Variants in MEGF11 observed in about 807,000 individuals in gnomAD.
MEGF11 encodes the protein multiple epidermal growth factor-like domains protein 11.
MEGF11 carries 126 observed loss-of-function variants against 146.6 expected under a neutral mutation model. That is an observed-to-expected ratio of 0.86 (90% CI 0.74 to 1.00). MEGF11 has a LOEUF of 1.00. MEGF11 is among the 50% of genes least tolerant of loss of function. The probability of loss-of-function intolerance (pLI) is 0.00; values close to 1 mark genes in which losing one functional copy is unlikely to be tolerated. For synonymous variants in MEGF11, 532 were observed against 583.4 expected (o/e 0.91, Z 1.27); for missense variants, 1,509 against 1,521.2 (o/e 0.99, Z 0.13).
In MEGF11 at chr15:66,094,391, C is replaced by T; in HGVS notation, c.394+11G>A. On this transcript the variant is annotated intron_variant, in intron 5 of 25. Coordinates refer to ENST00000395614, the MANE Select transcript of MEGF11 (RefSeq NM_001385028.1). ...CCAGGGTGCCTCCTGACCCCCAAAC[C>T]CCAGACTCACCGCTGGAGCAGTCGG... The T allele has an allele frequency of 6.4e-7, 1 of 1,553,004 alleles. No homozygotes were observed. The highest frequency in any genetic ancestry group is 8.7e-7 in the Non-Finnish European group (1 of 1,147,658).
chr15:66,146,127 C>T (rs1265277749), intron 1 of MEGF11, among the ~76,000 whole-genome samples: 1 of 152,196 alleles, frequency 6.6e-6, no homozygotes, highest in Non-Finnish European at 1.5e-5. Flanking sequence ...TCTGATCCTT[C>T]ACTGCCCGTT....
At chr15:65,980,724 G>C in intron 7 of MEGF11, 54 bp downstream of exon 7, 1 of 1,523,286 alleles carries the variant, frequency 6.6e-7, no homozygotes, top group South Asian at 1.3e-5. Flanking sequence ...GTATGTGTGA[G>C]TGATGAAGGC....
intron 5 of MEGF11, among the ~76,000 whole-genome samples, chr15:66,057,069 C>G (rs1030538261): frequency 6.6e-6 from 1 of 152,190 alleles, no homozygotes; most frequent in Non-Finnish European, 1.5e-5. Context: ...TACTTAAAAC[C>G]ACAGCAGGAA....
At chr15:66,146,579 G>A (rs1045494873) in intron 1 of MEGF11, among the ~76,000 whole-genome samples, 8 of 152,240 alleles carry the variant, frequency 5.3e-5, no homozygotes, top group African/African-American at 7.2e-5. Flanking sequence ...CACGCACGCC[G>A]ACACCTCCCA....
At chr15:66,120,942 T>A (rs2126698) in intron 3 of MEGF11, among the ~76,000 whole-genome samples, 1 of 152,000 alleles carries the variant, frequency 6.6e-6, no homozygotes, top group South Asian at 2.1e-4. Context: ...CCCTGTGCAG[T>A]TTGGAAAGCA....
chr15:66,171,252 C>T (rs1007364667), intron 1 of MEGF11, among the ~76,000 whole-genome samples: 16 of 152,126 alleles, frequency 1.1e-4, no homozygotes, highest in Admixed American at 2.6e-4. Flanking sequence ...ACCTGCAGGC[C>T]GGGGCAGGTA....
chr15:65,928,386 T>C, intron 13 of MEGF11, 39 bp downstream of exon 13: 1 of 1,406,506 alleles, frequency 7.1e-7, no homozygotes, highest in Non-Finnish European at 9.8e-7. Context: ...GAACCCAGTT[T>C]CACAGTACCT....
chr15:66,170,401 T>G (rs1023652745), intron 1 of MEGF11, among the ~76,000 whole-genome samples: 1 of 152,188 alleles, frequency 6.6e-6, no homozygotes, highest in Admixed American at 6.5e-5. Flanking sequence ...TTGGGGCCAT[T>G]TCTTTCTCCC....
intron 5 of MEGF11, among the ~76,000 whole-genome samples, chr15:66,084,538 C>T (rs1454190905): frequency 6.6e-6 from 1 of 152,152 alleles, no homozygotes; most frequent in Non-Finnish European, 1.5e-5. Context: ...AACACACCCC[C>T]CCACTGGAGA....
intron 5 of MEGF11, among the ~76,000 whole-genome samples, chr15:65,991,627 G>T (rs1041048746): frequency 4.6e-5 from 7 of 152,136 alleles, no homozygotes; most frequent in Admixed American, 1.3e-4. Context: ...AACATCCCCT[G>T]GCAGTGGGTA....
intron 5 of MEGF11, among the ~76,000 whole-genome samples, chr15:66,019,991 G>T (rs902493070): frequency 6.6e-6 from 1 of 152,190 alleles, no homozygotes; most frequent in South Asian, 2.1e-4. Context: ...GCACACGGAG[G>T]TGGGGTTGTG....
chr15:66,169,526 C>T (rs1024718498), intron 1 of MEGF11, among the ~76,000 whole-genome samples: 9 of 152,246 alleles, frequency 5.9e-5, no homozygotes, highest in African/African-American at 1.7e-4. Context: ...AATTAACCTG[C>T]GGTGAACCCG....
chr15:66,141,285 T>A (rs137995455), intron 1 of MEGF11, among the ~76,000 whole-genome samples: 16,162 of 85,330 alleles, frequency 0.19, 1,304 homozygotes, highest in Middle Eastern at 0.22. Flanking sequence ...TGTGTGTGTG[T>A]GTGTGAGAGA....
At chr15:65,963,497 C>T (rs966096424) in intron 9 of MEGF11, among the ~76,000 whole-genome samples, 1 of 151,542 alleles carries the variant, frequency 6.6e-6, no homozygotes, top group Non-Finnish European at 1.5e-5. Flanking sequence ...ATTGGCTATA[C>T]AATCAATGGT....
intron 1 of MEGF11, among the ~76,000 whole-genome samples, chr15:66,234,647 C>T (rs577203212): frequency 6.6e-6 from 1 of 152,322 alleles, no homozygotes; most frequent in Admixed American, 6.5e-5. Context: ...CAATCGGGTC[C>T]CTACAATGGA....
chr15:65,950,413 C>A (rs896373315), intron 10 of MEGF11, among the ~76,000 whole-genome samples: 1 of 152,006 alleles, frequency 6.6e-6, no homozygotes, highest in African/African-American at 2.4e-5. Flanking sequence ...GGCAAAACCC[C>A]ATCTCTACAA....
chr15:66,172,332 G>T (rs1010067931), intron 1 of MEGF11, among the ~76,000 whole-genome samples: 1 of 152,212 alleles, frequency 6.6e-6, no homozygotes. Context: ...TCGTGGGCTG[G>T]GTATTGTCCA....
chr15:65,990,615 A>G (rs773640356), intron 5 of MEGF11, among the ~76,000 whole-genome samples: 35 of 135,768 alleles, frequency 2.6e-4, no homozygotes, highest in African/African-American at 6.1e-4. Flanking sequence ...GAAAAGAAAA[A>G]AAAGAAAAGA....
chr15:66,094,464 C>A lies in MEGF11; in HGVS notation c.332G>T (p.Arg111Leu), dbSNP rs201352763. 1 of 1,560,306 alleles carries A rather than the reference C, an allele frequency of 6.4e-7. No homozygotes were observed. The highest frequency in any genetic ancestry group is 1.2e-5 in the South Asian group (1 of 84,568). Residue 111 changes from arginine (R) to leucine (L), a missense_variant, in exon 5 of 26, where the codon CGC (arginine) becomes CTC (leucine). Coordinates refer to ENST00000395614, the MANE Select transcript of MEGF11 (RefSeq NM_001385028.1). ...PLCTEECVHG[R>L]CVSPDTCHCE... ...GTGGCAGGTGTCCGGGGAAACGCAG[C>A]GGCCGTGCACACACTCCTCCGTACA...
Sources: gnomAD v4.1 joint callset for allele counts (sites outside exome capture counted in the v4.1 genomes callset) on GRCh38, gnomAD v4.1.1 for gene constraint, MANE v1.5 for transcripts, NCBI Gene and HGNC (gene_info 2026-07-23, HGNC 2026-07-21) for gene names.